Variants in HMCN2 observed in about 807,000 individuals in gnomAD.
HMCN2 encodes the protein hemicentin 2.
In HMCN2, 325 loss-of-function variants were observed where a neutral mutation model predicts 377.5. That is an observed-to-expected ratio of 0.86 (90% confidence interval 0.79 to 0.94). The LOEUF is 0.94. Ranked by LOEUF, HMCN2 falls within the 40% of genes least tolerant of loss-of-function variation. The pLI is 0.00. For synonymous variants in HMCN2, 2,007 were observed against 2,046.8 expected (o/e 0.98, Z 0.53); for missense variants, 4,543 against 4,725.3 (o/e 0.96, Z 1.13).
At chr9:130,334,244 T>C (rs1838586900) in intron 22 of HMCN2, among the ~76,000 whole-genome samples, 1 of 151,758 alleles carries the variant, frequency 6.6e-6, no homozygotes, top group Admixed American at 6.6e-5. Flanking sequence ...GAGTTGGGGG[T>C]GGTCTGCGTA....
In HMCN2 at chr9:130,394,279, C is replaced by T; in HGVS notation, c.10502-106C>T. The T allele has an allele frequency of 5.3e-6, 4 of 758,488 alleles. No homozygotes were observed. The highest frequency in any genetic ancestry group is 7.5e-6 in the Non-Finnish European group (4 of 536,282). 47.0% of individuals were successfully genotyped at this position (758,488 alleles called of 1,614,324 possible). A position where few individuals can be genotyped will look rare whatever the true frequency, so the allele number is the denominator to read the frequency against. Reference sequence around the variant, plus strand: ...GTGGCAGATGCAAGAACAAGGGCCACCAAAATGTGGGAGCAGAGCCCCTGG... The same window carrying T: ...GTGGCAGATGCAAGAACAAGGGCCATCAAAATGTGGGAGCAGAGCCCCTGG... On this transcript the variant is annotated intron_variant, in intron 68 of 97. Transcript: ENST00000683500. This position sits in a 1 kb window ranked among gnomAD's most constrained non-coding sequence, Gnocchi z 5.1.
chr9:130,404,806 C>T, intron 80 of HMCN2, 63 bp from the exon 81 acceptor site: 1 of 1,134,984 alleles, frequency 8.8e-7, no homozygotes, highest in Non-Finnish European at 1.1e-6. Context: ...GGCCAAGGGC[C>T]CCAGGATGGT....
intron 18 of HMCN2, among the ~76,000 whole-genome samples, chr9:130,321,175 A>G (rs912249610): frequency 0.89 from 134,895 of 152,140 alleles, 60,076 homozygotes; most frequent in East Asian, 0.97. Context: ...GAGTGCTGTG[A>G]GCCAGGGAGC....
intron 84 of HMCN2, among the ~76,000 whole-genome samples, chr9:130,409,263 G>T (rs907815782): frequency 1.3e-5 from 2 of 152,216 alleles, no homozygotes; most frequent in African/African-American, 4.8e-5. Flanking sequence ...ACAACCTCAG[G>T]GGGTAGGGTA....
Position 130,395,971 on chromosome 9 carries a change from G to A in HMCN2, c.10959G>A (p.Leu3653=). ...CGGAGCGGGGCAGGTTCCTCCAGCT[G>A]CAGGCCCTGAGCACGGCTGACAGCG... ...QFPERGRFLQ[L]QALSTADSGD... is the part of the protein sequence containing the mutation. Residue 3653 remains leucine (L), a synonymous_variant, in exon 72 of 98, where the codon CTG becomes CTA. Transcript: ENST00000683500. The A allele has an allele frequency of 7.8e-7, 1 of 1,287,612 alleles. No homozygotes were observed. Among genetic ancestry groups the A allele is most frequent in the South Asian group, 1.2e-5 (1 of 80,930 alleles). The allele number at this position is 1,287,612 out of a possible 1,614,324, so 79.8% of individuals were successfully genotyped here.
chr9:130,267,803 G>C (rs781893173), intron 1 of HMCN2, among the ~76,000 whole-genome samples: 5 of 152,198 alleles, frequency 3.3e-5, no homozygotes, highest in Admixed American at 2.0e-4. Context: ...TTCTATCTTG[G>C]AGTCAGGGGG....
At position 130,355,170 on chromosome 9, in the gene HMCN2, C is replaced by T. The variant is rs980800013; in HGVS notation, c.5146+126C>T. On this transcript the variant is annotated intron_variant, in intron 32 of 97. Transcript: ENST00000683500. ...TGGGGAGAAGTAACCAGTGTCCCCA[C>T]ATTGCATGACACAGATGAGGACGCT... 2.9e-5 allele frequency: 22 copies of T among 764,720 alleles called. No homozygotes were observed. The African/African-American group carries it at 4.1e-4, about 14-fold the overall frequency. The allele number at this position is 764,720 out of a possible 1,614,324, so 47.4% of individuals were successfully genotyped here. A position where few individuals can be genotyped will look rare whatever the true frequency, so the allele number is the denominator to read the frequency against.
chr9:130,364,415 A>C lies in HMCN2; in HGVS notation c.6233-299A>C, dbSNP rs1840577930. Among the ~76,000 whole-genome samples the C allele has an allele frequency of 3.3e-5, 5 of 152,264 alleles. No individual in the cohort carries two copies. In the South Asian group the frequency reaches 8.3e-4, roughly 25 times the overall value. The stretch of plus-strand genomic sequence containing the variant: ...TTTTTAAACAAAAATTTTAAATTTT[A>C]GAAAGTTTTGAGATAACTGTGGATA... On this transcript the variant is annotated intron_variant, in intron 40 of 97. Transcript: ENST00000683500.
At position 130,356,130 on chromosome 9, in the gene HMCN2, G is replaced by A. The variant is rs1465058909; in HGVS notation, c.5298G>A (p.Val1766=). The A allele has an allele frequency of 1.1e-5, 14 of 1,300,524 alleles. No homozygotes were observed. Among genetic ancestry groups the A allele is most frequent in the Non-Finnish European group, 1.4e-5 (14 of 988,420 alleles). The allele number at this position is 1,300,524 out of a possible 1,614,324, so 80.6% of individuals were successfully genotyped here. Residue 1766 remains valine, a synonymous_variant, in exon 34 of 98, where the codon GTG becomes GTA. Transcript: ENST00000683500. ...NGRPAEELAG[V]QVASQGTTLH... ...GCCCAGCCGAGGAGCTGGCTGGGGT[G>A]CAGGTGGCCTCGCAGGGGACCACAC...
Position 130,431,496 on chromosome 9 carries a change from G to C in HMCN2, c.14767+10G>C, listed in dbSNP as rs1480931402. The stretch of plus-strand genomic sequence containing the variant: ...GGGAAGAACTGCCAGGGTGAGCCGG[G>C]CTCAGGCCGCCGCCCAAACACCCGT... On this transcript the variant is annotated intron_variant, in intron 96 of 97. Coordinates refer to ENST00000683500, the MANE Select transcript of HMCN2 (RefSeq NM_001291815.2). 4 of 1,547,318 alleles carry C rather than the reference G, an allele frequency of 2.6e-6. No individual in the cohort carries two copies. In the Admixed American group the frequency reaches 7.8e-5, roughly 30 times the overall value.
intron 22 of HMCN2, among the ~76,000 whole-genome samples, chr9:130,330,322 G>C (rs1322379737): frequency 1.1e-4 from 16 of 152,152 alleles, no homozygotes; most frequent in Non-Finnish European, 1.9e-4. Flanking sequence ...AGTCAGGGCT[G>C]AGAGCCAAGA....
intron 57 of HMCN2, among the ~76,000 whole-genome samples, chr9:130,384,044 T>C (rs1038444836): frequency 1.3e-5 from 2 of 152,172 alleles, no homozygotes; most frequent in African/African-American, 4.8e-5. Context: ...CGCACTGCAG[T>C]GGCTGTGAGT....
Position 130,374,591 on chromosome 9 carries a change from C to T in HMCN2, c.7528C>T (p.Leu2510=), listed in dbSNP as rs1319291855. ...CCACATCTCCCCAGACGGAGTCCTC[C>T]TGCAGGTCCTCCAGGCAAACCTGTC... ...AHHISPDGVL[L]QVLQANLSSA... The change falls in exon 49 of 98, where the codon CTG becomes TTG. Residue 2510 remains leucine (L), a synonymous_variant. Transcript: ENST00000683500. 1 of 985,780 alleles carries T rather than the reference C, an allele frequency of 1.0e-6. No homozygotes were observed. Among genetic ancestry groups the T allele is most frequent in the African/African-American group, 1.7e-5 (1 of 57,376 alleles). The allele number at this position is 985,780 out of a possible 1,614,324, so 61.1% of individuals were successfully genotyped here. A position where few individuals can be genotyped will look rare whatever the true frequency, so the allele number is the denominator to read the frequency against.
intron 34 of HMCN2, 57 bp downstream of exon 34, chr9:130,356,314 T>A (rs1019792445): frequency 8.0e-7 from 1 of 1,249,450 alleles, no homozygotes; most frequent in Non-Finnish European, 1.0e-6. Context: ...CAGGGGTGGG[T>A]GGAGCCTGGG....
intron 15 of HMCN2, among the ~76,000 whole-genome samples, chr9:130,310,324 G>T (rs12335387): frequency 0.12 from 17,539 of 152,310 alleles, 1,038 homozygotes; most frequent in Middle Eastern, 0.15. Context: ...ATCTGAAAGT[G>T]GCTTGGCCGG....
chr9:130,405,132 C>A, intron 81 of HMCN2, 73 bp downstream of exon 81: 1 of 1,056,232 alleles, frequency 9.5e-7, no homozygotes, highest in Non-Finnish European at 1.2e-6. Flanking sequence ...CTGCGCTGAG[C>A]ACTATGCAGC....
intron 85 of HMCN2, among the ~76,000 whole-genome samples, chr9:130,411,174 C>A (rs780309432): frequency 3.2e-4 from 49 of 151,856 alleles, no homozygotes; most frequent in Non-Finnish European, 6.0e-4. Context: ...TGCTTACTGC[C>A]CCCTGCCCCA....
At chr9:130,283,397 T>A (rs1215870925) in intron 1 of HMCN2, among the ~76,000 whole-genome samples, 1 of 152,082 alleles carries the variant, frequency 6.6e-6, no homozygotes, top group Non-Finnish European at 1.5e-5. Flanking sequence ...TCTCGTCTTG[T>A]CTGTACCTCC....
chr9:130,404,778 C>G, intron 80 of HMCN2, 91 bp from the exon 81 acceptor site: 2 of 931,576 alleles, frequency 2.1e-6, no homozygotes, highest in Non-Finnish European at 2.8e-6. Flanking sequence ...CCAGGGAGGG[C>G]TGAAGGGCTG....
Sources: gnomAD v4.1 joint callset for allele counts (sites outside exome capture counted in the v4.1 genomes callset) on GRCh38, gnomAD v4.1.1 for gene constraint, Gnocchi (gnomAD v3.1) non-coding constraint, MANE v1.5 for transcripts, NCBI Gene and HGNC (gene_info 2026-07-23, HGNC 2026-07-21) for gene names.